The following PDZRN4 variants were observed in gnomAD, a reference collection of about 807,000 sequenced individuals.
PDZRN4 encodes the protein PDZ domain-containing RING finger protein 4.
In PDZRN4, 70 loss-of-function variants were observed where a neutral mutation model predicts 99.0. The observed-to-expected ratio is 0.71, with a 90% CI of 0.58 to 0.86. PDZRN4 has a LOEUF of 0.86. PDZRN4 is among the 40% of genes least tolerant of loss of function. PDZRN4 has a pLI of 0.00. For missense variants in PDZRN4, 1,474 were observed against 1,331.2 expected, an observed-to-expected ratio of 1.11 and a Z score of -1.67; for synonymous variants, 551 against 501.6, an observed-to-expected ratio of 1.10 and a Z score of -1.32.
chr12:41,212,690 A>G (rs924225799), intron 3 of PDZRN4, among the ~76,000 whole-genome samples: 1 of 152,048 alleles, frequency 6.6e-6, no homozygotes, highest in Non-Finnish European at 1.5e-5. Context: ...GAATTGTAGT[A>G]AATGTATGAG....
At chr12:41,492,842 A>G (rs540238284) in intron 3 of PDZRN4, among the ~76,000 whole-genome samples, 10 of 152,194 alleles carry the variant, frequency 6.6e-5, no homozygotes, top group Non-Finnish European at 1.3e-4. Flanking sequence ...GATATAGACA[A>G]CATCCTCTCT....
chr12:41,528,915 TC>T (rs1938614651), intron 5 of PDZRN4, among the ~76,000 whole-genome samples: 1 of 152,158 alleles, frequency 6.6e-6, no homozygotes, highest in South Asian at 2.1e-4. Context: ...GTTTTTTAAG[TC>T]CTTTTTTTTT....
rs139327619 is a variant in PDZRN4, at chr12:41,498,151, T to C, written c.844-8305T>C. Among the ~76,000 whole-genome samples, 59 of 151,636 alleles carry C rather than the reference T, an allele frequency of 3.9e-4. No homozygotes were observed. In the East Asian group the frequency reaches 0.011, roughly 28 times the overall value. On this transcript the variant is annotated intron_variant, in intron 3 of 9. Transcript: ENST00000402685. The stretch of plus-strand genomic sequence containing the variant: ...TCTCAATCTCTCTCTCTCTCTCTCT[T>C]ATCAAGTCATAAATGTTAACATCAC...
chr12:41,563,803 T>A (rs1939315228), intron 8 of PDZRN4, among the ~76,000 whole-genome samples, 154 bp downstream of exon 8: 1 of 152,222 alleles, frequency 6.6e-6, no homozygotes. Flanking sequence ...AGATGGCCTA[T>A]GTGGGAGTGA....
intron 4 of PDZRN4, among the ~76,000 whole-genome samples, chr12:41,507,236 G>T (rs1310704215): frequency 6.6e-6 from 1 of 152,034 alleles, no homozygotes; most frequent in Non-Finnish European, 1.5e-5. Flanking sequence ...ATAAACAAAG[G>T]ATCTTGGCTG....
chr12:41,459,889 C>A (rs1952853972), intron 3 of PDZRN4: 1 of 1,203,772 alleles, frequency 8.3e-7, no homozygotes, highest in Non-Finnish European at 1.1e-6. Context: ...AAAATGAAAA[C>A]TTCTAGAACA....
At chr12:41,352,304 A>G (rs2121041792) in intron 3 of PDZRN4, among the ~76,000 whole-genome samples, 1 of 152,250 alleles carries the variant, frequency 6.6e-6, no homozygotes, top group East Asian at 1.9e-4. Context: ...CAAAGGACAG[A>G]CTGTCAAGAA....
chr12:41,530,228 A>T (rs991371913), intron 5 of PDZRN4, among the ~76,000 whole-genome samples: 6 of 152,206 alleles, frequency 3.9e-5, no homozygotes, highest in African/African-American at 1.4e-4. Flanking sequence ...ATGACATTGC[A>T]GTTCTGTGCA....
chr12:41,278,026 A>G (rs2120876572), intron 3 of PDZRN4, among the ~76,000 whole-genome samples: 1 of 152,368 alleles, frequency 6.6e-6, no homozygotes, highest in South Asian at 2.1e-4. Flanking sequence ...TGACGCTCTT[A>G]GATGTAAAAG....
chr12:41,556,142 A>C (rs1939158234), intron 7 of PDZRN4, among the ~76,000 whole-genome samples: 3 of 152,240 alleles, frequency 2.0e-5, no homozygotes, highest in Admixed American at 2.0e-4. Flanking sequence ...CGCTTAACAC[A>C]GTGCATAAGT....
At chr12:41,383,407 C>T (rs1051670588) in intron 3 of PDZRN4, among the ~76,000 whole-genome samples, 1 of 152,172 alleles carries the variant, frequency 6.6e-6, no homozygotes, top group African/African-American at 2.4e-5. Context: ...GAAATAAATA[C>T]TTTCATATAT....
intron 3 of PDZRN4, among the ~76,000 whole-genome samples, chr12:41,486,807 T>G (rs979172093): frequency 6.6e-6 from 1 of 152,176 alleles, no homozygotes; most frequent in Non-Finnish European, 1.5e-5. Context: ...AGCTCATCTC[T>G]TACTTCTCTC....
intron 5 of PDZRN4, among the ~76,000 whole-genome samples, chr12:41,535,642 C>A (rs1281397579): frequency 6.6e-6 from 1 of 152,158 alleles, no homozygotes; most frequent in African/African-American, 2.4e-5. Flanking sequence ...GGCTATTGGA[C>A]CATGAGGGCT....
intron 3 of PDZRN4, among the ~76,000 whole-genome samples, chr12:41,197,550 G>C (rs373805012): frequency 9.9e-5 from 15 of 152,244 alleles, no homozygotes; most frequent in African/African-American, 3.6e-4. Context: ...AATCAGTTGT[G>C]ATAGTTGAGT....
intron 3 of PDZRN4, among the ~76,000 whole-genome samples, chr12:41,214,252 TA>T (rs60618442): frequency 0.057 from 4,845 of 84,698 alleles, 135 homozygotes; most frequent in East Asian, 0.11. Flanking sequence ...ACCCTGTATT[TA>T]AAAAAAAAAA....
intron 3 of PDZRN4, among the ~76,000 whole-genome samples, chr12:41,216,124 A>C (rs1320668126): frequency 2.0e-5 from 3 of 151,996 alleles, no homozygotes; most frequent in Non-Finnish European, 4.4e-5. Flanking sequence ...TTTAACTAAT[A>C]GGTGACATCC....
chr12:41,541,704 C>T (rs955252242), intron 5 of PDZRN4, among the ~76,000 whole-genome samples: 5 of 152,094 alleles, frequency 3.3e-5, no homozygotes, highest in South Asian at 2.1e-4. Flanking sequence ...CCGCCTGCCT[C>T]GGCCTCCCAA....
At chr12:41,337,835 G>A (rs1334941049) in intron 3 of PDZRN4, among the ~76,000 whole-genome samples, 2 of 152,112 alleles carry the variant, frequency 1.3e-5, no homozygotes, top group Non-Finnish European at 2.9e-5. Flanking sequence ...ACGGACCAAA[G>A]CAATACTATA....
chr12:41,341,497 T>C (rs1424711003), intron 3 of PDZRN4, among the ~76,000 whole-genome samples: 2 of 151,914 alleles, frequency 1.3e-5, no homozygotes, highest in East Asian at 3.9e-4. Context: ...ATGAATCCAG[T>C]AGTTATAAGA....
Sources: gnomAD v4.1 joint callset for allele counts (sites outside exome capture counted in the v4.1 genomes callset) on GRCh38, gnomAD v4.1.1 for gene constraint, MANE v1.5 for transcripts, NCBI Gene and HGNC (gene_info 2026-07-23, HGNC 2026-07-21) for gene names.